PTPRD: variants seen among roughly 807,000 people sequenced by gnomAD.
PTPRD encodes protein tyrosine phosphatase receptor type D, also known as receptor-type tyrosine-protein phosphatase delta.
A neutral mutation model predicts 214.5 loss-of-function variants in PTPRD; 34 were observed. The ratio of observed to expected loss-of-function variants is 0.16; its 90% CI spans 0.12 to 0.21. PTPRD has a LOEUF of 0.21. Ranked by LOEUF, PTPRD falls within the 10% of genes least tolerant of loss-of-function variation. PTPRD has a pLI of 1.00. For missense variants in PTPRD, 2,545 were observed against 2,398.7 expected, an observed-to-expected ratio of 1.06 and a Z score of -1.27; for synonymous variants, 1,128 against 845.7, an observed-to-expected ratio of 1.33 and a Z score of -5.79.
chr9:8,745,454 G>C (rs1457117663), intron 11 of PTPRD, among the ~76,000 whole-genome samples: 1 of 152,122 alleles, frequency 6.6e-6, no homozygotes, highest in East Asian at 1.9e-4. Context: ...TTAAAGGCGG[G>C]GTATAGGAAG....
intron 11 of PTPRD, among the ~76,000 whole-genome samples, chr9:8,800,114 C>G (rs1470147866): frequency 6.6e-6 from 1 of 152,056 alleles, no homozygotes; most frequent in East Asian, 1.9e-4. Flanking sequence ...ATCATCACTT[C>G]TTCATTTCCC....
intron 10 of PTPRD, among the ~76,000 whole-genome samples, chr9:9,097,469 C>A (rs1189140926): frequency 6.6e-6 from 1 of 150,754 alleles, no homozygotes; most frequent in East Asian, 2.0e-4. Flanking sequence ...AATGCAGTGG[C>A]GCAATCTCAG....
intron 5 of PTPRD, among the ~76,000 whole-genome samples, chr9:9,802,653 T>TAA (rs148526801): frequency 2.0e-5 from 3 of 151,292 alleles, no homozygotes; most frequent in African/African-American, 7.3e-5. Flanking sequence ...CGTTTTTTTT[T>TAA]AAAAAAAATT....
chr9:10,300,162 C>A (rs968388175), intron 3 of PTPRD, among the ~76,000 whole-genome samples: 13 of 152,130 alleles, frequency 8.5e-5, no homozygotes, highest in African/African-American at 1.9e-4. Flanking sequence ...ACAACAACAA[C>A]AAAAAAGTAA....
intron 11 of PTPRD, among the ~76,000 whole-genome samples, chr9:8,959,450 A>G (rs2099147985): frequency 1.3e-5 from 2 of 151,942 alleles, no homozygotes; most frequent in Admixed American, 1.3e-4. Context: ...TATTTTGGAG[A>G]ATTTGAAGAG....
chr9:9,053,092 G>C (rs1175449072), intron 10 of PTPRD, among the ~76,000 whole-genome samples: 1 of 152,080 alleles, frequency 6.6e-6, no homozygotes, highest in African/African-American at 2.4e-5. Flanking sequence ...TTAGATATAG[G>C]GGTATAACCT....
intron 8 of PTPRD, among the ~76,000 whole-genome samples, chr9:9,512,342 G>A (rs1279743546): frequency 1.3e-5 from 2 of 151,734 alleles, no homozygotes; most frequent in Non-Finnish European, 1.5e-5. Flanking sequence ...GGGGTAAAAG[G>A]TTATTTTTAA....
chr9:9,016,267 T>C (rs2099534708), intron 11 of PTPRD, among the ~76,000 whole-genome samples: 1 of 152,150 alleles, frequency 6.6e-6, no homozygotes, highest in Non-Finnish European at 1.5e-5. Context: ...TTCCCCCAAA[T>C]AGTTGCACTA....
chr9:8,493,027 G>C, intron 26 of PTPRD, 48 bp from the exon 27 acceptor site: 6 of 1,478,142 alleles, frequency 4.1e-6, no homozygotes, highest in South Asian at 1.2e-5. Context: ...TGCTACTAAT[G>C]CTCTGGGGGA....
chr9:9,326,788 T>C (rs1288864232), intron 9 of PTPRD, among the ~76,000 whole-genome samples: 3 of 152,022 alleles, frequency 2.0e-5, no homozygotes, highest in African/African-American at 7.2e-5. Flanking sequence ...AAAAAAGGTA[T>C]TTTTTCATGA....
At chr9:9,361,180 G>C (rs911914334) in intron 9 of PTPRD, among the ~76,000 whole-genome samples, 1 of 151,050 alleles carries the variant, frequency 6.6e-6, no homozygotes, top group Non-Finnish European at 1.5e-5. Flanking sequence ...CAACTCAATT[G>C]TAATAGGAAC....
intron 9 of PTPRD, among the ~76,000 whole-genome samples, chr9:9,249,432 C>T (rs1196042173): frequency 3.3e-5 from 5 of 152,012 alleles, no homozygotes; most frequent in Non-Finnish European, 2.9e-5. Context: ...GATTGTTCTT[C>T]GTAAACCTCT....
At chr9:9,798,119 G>A (rs1204995153) in intron 5 of PTPRD, among the ~76,000 whole-genome samples, 1 of 152,102 alleles carries the variant, frequency 6.6e-6, no homozygotes, top group African/African-American at 2.4e-5. Flanking sequence ...GATATTGGGG[G>A]CCCAAGCAGT....
chr9:10,107,574 C>T (rs1211843861), intron 3 of PTPRD, among the ~76,000 whole-genome samples: 1 of 152,052 alleles, frequency 6.6e-6, no homozygotes. Flanking sequence ...ATGCTAAGTA[C>T]ACGTGTTTGT....
intron 5 of PTPRD, among the ~76,000 whole-genome samples, chr9:9,932,010 G>A (rs1208903372): frequency 1.5e-3 from 230 of 151,690 alleles, no homozygotes; most frequent in Admixed American, 0.014. Context: ...ACCTGCAGCT[G>A]AGGGTCCTGT....
At chr9:9,049,433 A>G (rs571455956) in intron 10 of PTPRD, among the ~76,000 whole-genome samples, 2 of 152,214 alleles carry the variant, frequency 1.3e-5, no homozygotes, top group Non-Finnish European at 2.9e-5. Context: ...CAAAATAAAT[A>G]TAAATATTTG....
chr9:10,090,141 T>A (rs2098411575), intron 3 of PTPRD, among the ~76,000 whole-genome samples: 1 of 151,622 alleles, frequency 6.6e-6, no homozygotes, highest in South Asian at 2.1e-4. Flanking sequence ...GGAATTTCCA[T>A]CCCAGTAACT....
chr9:8,848,940 A>C (rs2097760340), intron 11 of PTPRD, among the ~76,000 whole-genome samples: 1 of 125,994 alleles, frequency 7.9e-6, no homozygotes, highest in African/African-American at 2.9e-5. Flanking sequence ...TACTGAGCAG[A>C]ATGCCTGGCA....
intron 2 of PTPRD, among the ~76,000 whole-genome samples, chr9:10,501,506 A>G (rs2043708898): frequency 6.6e-6 from 1 of 151,794 alleles, no homozygotes; most frequent in Admixed American, 6.6e-5. Flanking sequence ...GTTGACTTCA[A>G]TTATTAAATT....
Sources: allele counts gnomAD v4.1 joint callset (sites outside exome capture counted in the v4.1 genomes callset), GRCh38; gene constraint gnomAD v4.1.1; transcripts MANE v1.5; gene names NCBI Gene and HGNC (gene_info 2026-07-23, HGNC 2026-07-21).